The following RAB38 variants were observed in gnomAD, a reference collection of about 807,000 sequenced individuals.
The protein encoded by RAB38 is ras-related protein Rab-38.
A neutral mutation model predicts 18.4 loss-of-function variants in RAB38; 15 were observed. The observed-to-expected ratio is 0.82, with a 90% CI of 0.55 to 1.26. The LOEUF (loss-of-function observed/expected upper bound fraction) is 1.26. Among genes scored for constraint, RAB38 ranks in the 50% most tolerant of loss-of-function variants. The probability of loss-of-function intolerance (pLI) is 0.00; values close to 1 mark genes in which losing one functional copy is unlikely to be tolerated. For synonymous variants in RAB38, 101 were observed against 104.4 expected (o/e 0.97, Z 0.20); for missense variants, 294 against 267.4 (o/e 1.10, Z -0.69).
the RAB38 span, among the ~76,000 whole-genome samples, chr11:87,807,606 A>G: frequency 6.6e-6 from 1 of 152,270 alleles, no homozygotes; most frequent in Admixed American, 6.5e-5. Context: ...GGTAGACAGA[A>G]CACAAAAAGC....
the RAB38 span, among the ~76,000 whole-genome samples, chr11:87,837,411 AG>A: frequency 2.0e-5 from 3 of 152,192 alleles, no homozygotes; most frequent in African/African-American, 7.2e-5. Flanking sequence ...AGAGGCATCA[AG>A]TTTGATCTGT....
intron 1 of RAB38, among the ~76,000 whole-genome samples, chr11:88,153,944 A>G (rs1943094434): frequency 6.6e-6 from 1 of 152,202 alleles, no homozygotes. Flanking sequence ...ATCCACCAGG[A>G]CAACTCAAAT....
chr11:88,069,071 G>A, the RAB38 span, among the ~76,000 whole-genome samples: 20,015 of 152,190 alleles, frequency 0.13, 1,445 homozygotes, highest in Admixed American at 0.2. Context: ...GGCAGGAACC[G>A]GGGCTGTGCA....
the RAB38 span, among the ~76,000 whole-genome samples, chr11:88,057,527 C>T: frequency 2.6e-5 from 4 of 151,798 alleles, no homozygotes; most frequent in African/African-American, 9.7e-5. Context: ...ATTAGCTAAT[C>T]GAAATAAAGA....
the RAB38 span, among the ~76,000 whole-genome samples, chr11:88,053,652 T>A: frequency 6.6e-6 from 1 of 151,608 alleles, no homozygotes; most frequent in Non-Finnish European, 1.5e-5. Flanking sequence ...CCAAATAAAA[T>A]CAGGAGGTTG....
chr11:87,976,385 T>A, the RAB38 span, among the ~76,000 whole-genome samples: 1 of 140,102 alleles, frequency 7.1e-6, no homozygotes, highest in Non-Finnish European at 1.5e-5. Context: ...ATACAAATAT[T>A]TATATATACA....
chr11:88,061,139 C>T, the RAB38 span, among the ~76,000 whole-genome samples: 2,829 of 152,136 alleles, frequency 0.019, 89 homozygotes, highest in African/African-American at 0.065. Flanking sequence ...AACAATCATG[C>T]GATATTGACA....
the RAB38 span, among the ~76,000 whole-genome samples, chr11:87,850,196 A>C: frequency 6.6e-6 from 1 of 152,210 alleles, no homozygotes; most frequent in Non-Finnish European, 1.5e-5. Flanking sequence ...ACCATTACTA[A>C]AGTACCAAAA....
chr11:87,932,628 C>T, the RAB38 span, among the ~76,000 whole-genome samples: 1 of 152,050 alleles, frequency 6.6e-6, no homozygotes, highest in African/African-American at 2.4e-5. Flanking sequence ...CCATGAAAAA[C>T]CCAACAAAAC....
the RAB38 span, among the ~76,000 whole-genome samples, chr11:87,949,557 T>G: frequency 6.6e-6 from 1 of 152,222 alleles, no homozygotes; most frequent in African/African-American, 2.4e-5. Context: ...ACACACTGCT[T>G]TGAATGTGTC....
chr11:87,971,945 TA>T, the RAB38 span, among the ~76,000 whole-genome samples: 1 of 151,362 alleles, frequency 6.6e-6, no homozygotes, highest in Non-Finnish European at 1.5e-5. Context: ...TAAAGCTATT[TA>T]AAAAGGAGGC....
At chr11:87,892,508 A>T in the RAB38 span, among the ~76,000 whole-genome samples, 2 of 151,786 alleles carry the variant, frequency 1.3e-5, no homozygotes, top group African/African-American at 4.8e-5. Flanking sequence ...CCAACATGTC[A>T]TTCTCCTGCT....
the RAB38 span, among the ~76,000 whole-genome samples, chr11:88,010,803 C>T: frequency 2.0e-5 from 3 of 152,174 alleles, no homozygotes; most frequent in African/African-American, 4.8e-5. Flanking sequence ...GGATTTAAGG[C>T]CAGGTATTCA....
chr11:88,121,597 C>G (rs12793576), intron 2 of RAB38, among the ~76,000 whole-genome samples: 5,091 of 152,040 alleles, frequency 0.033, 129 homozygotes, highest in Non-Finnish European at 0.05. Flanking sequence ...GAGCCTCGCT[C>G]TGTCGCCCAG....
the RAB38 span, among the ~76,000 whole-genome samples, chr11:87,864,550 G>T: frequency 6.6e-6 from 1 of 150,810 alleles, no homozygotes; most frequent in African/African-American, 2.4e-5. Flanking sequence ...TGGTTTTCAG[G>T]TATAATATGA....
the RAB38 span, among the ~76,000 whole-genome samples, chr11:88,045,436 C>A: frequency 9.2e-5 from 14 of 152,204 alleles, no homozygotes; most frequent in Non-Finnish European, 2.1e-4. Context: ...AGGCATTCCT[C>A]CAGGCCTGCG....
the RAB38 span, among the ~76,000 whole-genome samples, chr11:87,933,559 T>C: frequency 6.6e-6 from 1 of 152,084 alleles, no homozygotes; most frequent in Non-Finnish European, 1.5e-5. Context: ...AATGAGATTC[T>C]GTAAATGTGA....
the RAB38 span, among the ~76,000 whole-genome samples, chr11:87,833,254 ACT>A: frequency 2.5e-4 from 38 of 151,648 alleles, no homozygotes; most frequent in Middle Eastern, 3.4e-3. Flanking sequence ...TTTTTGTTTC[ACT>A]CTACCTTCAC....
chr11:88,030,444 G>C, the RAB38 span, among the ~76,000 whole-genome samples: 3 of 152,110 alleles, frequency 2.0e-5, no homozygotes, highest in African/African-American at 4.8e-5. Context: ...CCAGAAGCTG[G>C]TTTTTTGAAA....
Sources: allele counts gnomAD v4.1 joint callset (sites outside exome capture counted in the v4.1 genomes callset), GRCh38; gene constraint gnomAD v4.1.1; transcripts MANE v1.5; gene names NCBI Gene and HGNC (gene_info 2026-07-23, HGNC 2026-07-21).